The following PPIL2 variants were observed in gnomAD, a reference collection of about 807,000 sequenced individuals.
PPIL2 encodes peptidylprolyl isomerase like 2, also known as RING-type E3 ubiquitin-protein ligase PPIL2.
Under a neutral mutation model 75.2 loss-of-function variants are expected in PPIL2, and 50 were observed. That is an observed-to-expected ratio of 0.66 (90% CI 0.53 to 0.84). PPIL2 has a LOEUF of 0.84. PPIL2 is among the 40% of genes least tolerant of loss of function. PPIL2 has a pLI of 0.00. For synonymous variants in PPIL2, 245 were observed against 258.8 expected (o/e 0.95, Z 0.51); for missense variants, 590 against 685.0 (o/e 0.86, Z 1.55).
In PPIL2 at chr22:21,670,988, C is replaced by T. The variant is rs1370199295; in HGVS notation, c.129-9C>T. The T allele has an allele frequency of 6.2e-7, 1 of 1,610,272 alleles. No homozygotes were observed. Among genetic ancestry groups the T allele is most frequent in the Non-Finnish European group, 8.5e-7 (1 of 1,176,436 alleles). On this transcript the variant is annotated splice_polypyrimidine_tract_variant and intron_variant, in intron 3 of 19. Transcript: ENST00000398831. ...TGGCAACTCACCAGGAATGACTGTC[C>T]TTTTTCAGTCTCTCTCTGCAGCCCT...
At chr22:21,686,656 C>A in intron 11 of PPIL2, 98 bp downstream of exon 11, 1 of 1,272,908 alleles carries the variant, frequency 7.9e-7, no homozygotes, top group East Asian at 2.4e-5. Context: ...CTGTCAGGGG[C>A]TCCCACTGTC....
chr22:21,691,047 C>T (rs767085924), intron 15 of PPIL2, among the ~76,000 whole-genome samples: 4 of 141,674 alleles, frequency 2.8e-5, no homozygotes, highest in Non-Finnish European at 6.0e-5. Flanking sequence ...TCACTGCAAC[C>T]TCTGCCTCCT....
chr22:21,667,815 G>A (rs1038591964), intron 1 of PPIL2, among the ~76,000 whole-genome samples: 3 of 132,916 alleles, frequency 2.3e-5, no homozygotes, highest in South Asian at 2.4e-4. Context: ...TTGCTCTGTC[G>A]CCCAGGCTGG....
At chr22:21,687,999 G>T in intron 13 of PPIL2, 74 bp from the exon 14 acceptor site, 1 of 1,579,286 alleles carries the variant, frequency 6.3e-7, no homozygotes, top group Non-Finnish European at 8.7e-7. Context: ...GGCAGGAGGG[G>T]TGTCCTTCAG....
Position 21,666,135 on chromosome 22 carries a change from A to G in PPIL2, c.32+4A>G, listed in dbSNP as rs1334232198. On this transcript the variant is annotated splice_donor_region_variant and intron_variant, in intron 1 of 19. Coordinates refer to ENST00000398831, the MANE Select transcript of PPIL2 (RefSeq NM_014337.4). Reference sequence around the variant, plus strand: ...GACAGCACCAAAAGGACAAAATGTAAGTTGAGCCGCAGTCGGGAGCGGCGC... The same window carrying G: ...GACAGCACCAAAAGGACAAAATGTAGGTTGAGCCGCAGTCGGGAGCGGCGC... 2 of 1,613,170 alleles carry G rather than the reference A, an allele frequency of 1.2e-6. No individual in the cohort carries two copies. The highest frequency in any genetic ancestry group is 1.7e-6 in the Non-Finnish European group (2 of 1,179,566).
rs200399624 is a variant in PPIL2 at position 21,684,933 on chromosome 22, C to T, written c.714+20C>T. On this transcript the variant is annotated intron_variant, in intron 10 of 19. Transcript: ENST00000398831. The stretch of plus-strand genomic sequence containing the variant: ...AACGCTGTGAGTGGCGGAGGGCACT[C>T]GGCCAAGCCCAAGCCCCGTCTTCCT... The T allele has an allele frequency of 1.8e-5, 29 of 1,611,550 alleles. No homozygotes were observed. In the East Asian group the frequency reaches 2.9e-4, roughly 16 times the overall value.
intron 6 of PPIL2, among the ~76,000 whole-genome samples, chr22:21,678,626 G>GTCTCCCATCTGTGCAGTTCTGTCTTT (rs2066975287): frequency 6.6e-6 from 1 of 152,196 alleles, no homozygotes; most frequent in African/African-American, 2.4e-5. Flanking sequence ...AGCCCCTGCT[G>GTCTCCCATCTGTGCAGTTCTGTCTTT]TCTCCCATCT....
chr22:21,668,175 C>CG (rs2066468376), intron 1 of PPIL2, among the ~76,000 whole-genome samples: 1 of 151,948 alleles, frequency 6.6e-6, no homozygotes, highest in African/African-American at 2.4e-5. Context: ...TAAGTCCCCC[C>CG]ACTGGCTAAG....
At chr22:21,682,605 A>T (rs2067179845) in intron 8 of PPIL2, 79 bp downstream of exon 8, 2 of 1,191,616 alleles carry the variant, frequency 1.7e-6, no homozygotes, top group Non-Finnish European at 2.4e-6. Flanking sequence ...CCCTACCCCC[A>T]CGTCAGGGCC....
At chr22:21,676,117 C>T (rs1183924405) in intron 6 of PPIL2, among the ~76,000 whole-genome samples, 1 of 152,206 alleles carries the variant, frequency 6.6e-6, no homozygotes, top group Non-Finnish European at 1.5e-5. Context: ...AGAGCCCGGT[C>T]CCCAGTCGGT....
intron 16 of PPIL2, 112 bp from the exon 17 acceptor site, chr22:21,694,481 C>G (rs2070504): frequency 0.35 from 422,009 of 1,210,706 alleles, 76,263 homozygotes; most frequent in Non-Finnish European, 0.38. Context: ...TGCCCAAGGA[C>G]CACCAGGCCA....
Position 21,687,267 on chromosome 22 carries a change from C to T in PPIL2, c.897+269C>T, listed in dbSNP as rs148836460. On this transcript the variant is annotated intron_variant, in intron 12 of 19. Coordinates refer to ENST00000398831, the MANE Select transcript of PPIL2 (RefSeq NM_014337.4). ...TTCTCCCATGCGCTGTACTCTGGGC[C>T]GTGCGGCTGCACGGGTCCTGTTGCT... 7.0e-3 allele frequency among the ~76,000 whole-genome samples: 1,060 copies of T among 152,284 alleles called. 16 individuals are homozygous for T. The highest frequency in any genetic ancestry group is 0.024 in the African/African-American group (1,011 of 41,542).
intron 1 of PPIL2, chr22:21,669,437 C>T (rs1206846674): frequency 4.6e-6 from 2 of 430,482 alleles, no homozygotes; most frequent in Admixed American, 5.0e-5. Flanking sequence ...GTGTGAGCCA[C>T]TGTGCCTGGT....
At chr22:21,677,192 C>T (rs374101624) in intron 6 of PPIL2, among the ~76,000 whole-genome samples, 33 of 151,536 alleles carry the variant, frequency 2.2e-4, no homozygotes, top group South Asian at 2.1e-4. Context: ...CAGGCAGAGA[C>T]ACTCCTCACC....
At chr22:21,692,244 C>T (rs939295307) in intron 15 of PPIL2, among the ~76,000 whole-genome samples, 31 of 152,026 alleles carry the variant, frequency 2.0e-4, no homozygotes, top group Admixed American at 1.5e-3. Context: ...CAAGCTCCGC[C>T]TCCCAGGTTC....
At chr22:21,690,739 G>A (rs990467836) in intron 15 of PPIL2, among the ~76,000 whole-genome samples, 4 of 152,098 alleles carry the variant, frequency 2.6e-5, no homozygotes, top group African/African-American at 9.7e-5. Flanking sequence ...GAGGGTGCAT[G>A]TTCCCTCTTC....
rs552246784 is a variant in PPIL2, at chr22:21,669,214, T to G, written c.33-699T>G. ...GTCTCCCCCGTCCCCCAGGCTGGAG[T>G]GTAGTGGTGCTGTCACAGCTCACTG... On this transcript the variant is annotated intron_variant, in intron 1 of 19. Coordinates refer to ENST00000398831, the MANE Select transcript of PPIL2 (RefSeq NM_014337.4). 6 of 226,148 alleles carry G rather than the reference T, an allele frequency of 2.7e-5. No individual in the cohort carries two copies. The South Asian group carries it at 2.7e-4, about 10-fold the overall frequency. 14.0% of individuals were successfully genotyped at this position (226,148 alleles called of 1,614,324 possible).
intron 6 of PPIL2, among the ~76,000 whole-genome samples, chr22:21,680,829 C>CAAAAAAA (rs762340467): frequency 3.3e-4 from 17 of 50,808 alleles, no homozygotes; most frequent in African/African-American, 5.0e-4. Flanking sequence ...GACTCCATCT[C>CAAAAAAA]AAAAAAAAAA....
chr22:21,695,715 C>T lies in PPIL2; in HGVS notation c.*225C>T, dbSNP rs2067898982. The T allele has an allele frequency of 5.1e-6, 7 of 1,360,218 alleles. No individual in the cohort carries two copies. Among genetic ancestry groups the T allele is most frequent in the Non-Finnish European group, 6.7e-6 (7 of 1,052,474 alleles). The allele number at this position is 1,360,218 out of a possible 1,614,324, so 84.3% of individuals were successfully genotyped here. On this transcript the variant is annotated 3_prime_UTR_variant, in exon 20 of 20. Transcript: ENST00000398831. ...TTCCAGGACCTGGCCCAGCCAGAGC[C>T]CACTGCTGGGACCTTCAAGCACAAG... is the stretch of plus-strand genomic sequence containing the variant.
Sources: allele counts gnomAD v4.1 joint callset (sites outside exome capture counted in the v4.1 genomes callset), GRCh38; gene constraint gnomAD v4.1.1; transcripts MANE v1.5; gene names NCBI Gene and HGNC (gene_info 2026-07-23, HGNC 2026-07-21).